Variants in COL22A1 observed in about 807,000 individuals in gnomAD.
The protein encoded by COL22A1 is collagen alpha-1(XXII) chain.
In COL22A1, 221 loss-of-function variants were observed where a neutral mutation model predicts 248.9. The observed-to-expected ratio is 0.89, with a 90% confidence interval of 0.80 to 0.99. COL22A1 has a LOEUF of 0.99. Among genes scored for constraint, COL22A1 ranks in the 50% least tolerant of loss-of-function variants. The pLI is 0.00. For missense variants in COL22A1, 2,240 were observed against 2,179.0 expected, an observed-to-expected ratio of 1.03 and a Z score of -0.56; for synonymous variants, 891 against 793.4, an observed-to-expected ratio of 1.12 and a Z score of -2.07.
chr8:138,884,455 T>C (rs1366673110), intron 1 of COL22A1, among the ~76,000 whole-genome samples: 1 of 152,240 alleles, frequency 6.6e-6, no homozygotes, highest in African/African-American at 2.4e-5. Flanking sequence ...CGAAGTTATC[T>C]CAAAGGCAGT....
At chr8:138,774,050 C>T (rs1191129463) in intron 16 of COL22A1, among the ~76,000 whole-genome samples, 3 of 152,192 alleles carry the variant, frequency 2.0e-5, no homozygotes, top group African/African-American at 2.4e-5. Flanking sequence ...TTTATGTCCT[C>T]ACCATGTGAG....
intron 18 of COL22A1, among the ~76,000 whole-genome samples, chr8:138,759,445 A>G (rs1459934641): frequency 1.3e-5 from 2 of 152,252 alleles, no homozygotes; most frequent in East Asian, 3.9e-4. Flanking sequence ...CTCCAACCCA[A>G]TGTCTGATGC....
At chr8:138,690,453 C>T (rs1299674527) in intron 36 of COL22A1, among the ~76,000 whole-genome samples, 11 of 152,132 alleles carry the variant, frequency 7.2e-5, no homozygotes, top group Non-Finnish European at 1.6e-4. Context: ...ATGGTCATGT[C>T]AATTAATAAA....
intron 41 of COL22A1, 90 bp downstream of exon 41, chr8:138,676,468 A>G: frequency 1.5e-6 from 1 of 649,106 alleles, no homozygotes. Context: ...GAAGAAAGAA[A>G]GAAAGAAAAG....
At chr8:138,593,556 C>T (rs969500034) in intron 63 of COL22A1, among the ~76,000 whole-genome samples, 1 of 152,140 alleles carries the variant, frequency 6.6e-6, no homozygotes, top group Non-Finnish European at 1.5e-5. Flanking sequence ...ATGGCCTCCG[C>T]CCTTTGAAGG....
At chr8:138,900,227 T>C (rs1814441242) in intron 1 of COL22A1, among the ~76,000 whole-genome samples, 2 of 152,216 alleles carry the variant, frequency 1.3e-5, no homozygotes, top group South Asian at 2.1e-4. Flanking sequence ...TGTCACTCTA[T>C]AGAATGGCAG....
At chr8:138,742,064 TTGATGG>T (rs1207192744) in intron 22 of COL22A1, among the ~76,000 whole-genome samples, 6 of 131,546 alleles carry the variant, frequency 4.6e-5, no homozygotes, top group African/African-American at 1.7e-4. Flanking sequence ...GATGGTAGAG[TTGATGG>T]TGATGGTGAT....
chr8:138,740,396 G>A (rs1831459286), intron 22 of COL22A1, among the ~76,000 whole-genome samples: 1 of 152,172 alleles, frequency 6.6e-6, no homozygotes, highest in Non-Finnish European at 1.5e-5. Context: ...GTGGTCGGGG[G>A]ATGAAGCATC....
rs58321546 is a variant in COL22A1 at position 138,792,412 on chromosome 8, T to C, written c.1596+4407A>G. The stretch of plus-strand genomic sequence containing the variant: ...ATCTGCCTCAGGTGAGCCTGCTCTC[T>C]ACTCAGCAACCGATCTGTCTCAGGG... On this transcript the variant is annotated intron_variant, in intron 12 of 64. Coordinates refer to ENST00000303045, the MANE Select transcript of COL22A1 (RefSeq NM_152888.3). 6.2e-3 allele frequency among the ~76,000 whole-genome samples: 940 copies of C among 152,358 alleles called. 7 individuals carry two copies. Among genetic ancestry groups the C allele is most frequent in the African/African-American group, 0.022 (920 of 41,584 alleles).
chr8:138,661,023 TACACACACATATACAG>T (rs775719756), intron 43 of COL22A1, among the ~76,000 whole-genome samples: 2,716 of 35,762 alleles, frequency 0.076, 46 homozygotes, highest in Admixed American at 0.098. Context: ...CACACGCACA[TACACACACATATACAG>T]ACACACACAC....
At chr8:138,906,023 T>A (rs2132183166) in intron 1 of COL22A1, among the ~76,000 whole-genome samples, 1 of 152,210 alleles carries the variant, frequency 6.6e-6, no homozygotes, top group Non-Finnish European at 1.5e-5. Flanking sequence ...TCCACTATAT[T>A]CCTTAGGGGC....
At chr8:138,691,402 T>G (rs1202450645) in intron 35 of COL22A1, among the ~76,000 whole-genome samples, 2 of 150,780 alleles carry the variant, frequency 1.3e-5, no homozygotes, top group African/African-American at 4.9e-5. Flanking sequence ...TGTGGAGGTA[T>G]GTGTATGTGT....
intron 16 of COL22A1, among the ~76,000 whole-genome samples, chr8:138,773,759 G>A (rs898803666): frequency 3.3e-5 from 5 of 152,324 alleles, no homozygotes; most frequent in East Asian, 1.9e-4. Context: ...CTCCAGGCCA[G>A]GGACAGGCTC....
At chr8:138,892,147 T>C (rs756486277) in intron 1 of COL22A1, among the ~76,000 whole-genome samples, 6 of 152,342 alleles carry the variant, frequency 3.9e-5, no homozygotes, top group African/African-American at 1.2e-4. Context: ...GCTGGTCTCA[T>C]AGAATGAGTT....
chr8:138,744,588 C>T (rs1025863670), intron 22 of COL22A1, among the ~76,000 whole-genome samples: 4 of 152,110 alleles, frequency 2.6e-5, no homozygotes, highest in African/African-American at 9.7e-5. Flanking sequence ...ACCCTCACTA[C>T]CTACAGCCTG....
At position 138,619,446 on chromosome 8, in the gene COL22A1, C is replaced by T. The variant is rs62530042; in HGVS notation, c.3825+9G>A. Reference sequence around the variant, plus strand: ...GTTCTACCGTTCCCCACACACACTACACACTTACAGGTGGGCCTCGGGCAC... The same window carrying T: ...GTTCTACCGTTCCCCACACACACTATACACTTACAGGTGGGCCTCGGGCAC... On this transcript the variant is annotated intron_variant, in intron 53 of 64. Coordinates refer to ENST00000303045, the MANE Select transcript of COL22A1 (RefSeq NM_152888.3). 25,954 of 1,613,486 alleles carry T rather than the reference C, an allele frequency of 0.016. 338 individuals are homozygous for T. The highest frequency in any genetic ancestry group is 0.042 in the Middle Eastern group (254 of 6,038).
At chr8:138,791,730 C>T (rs1816063096) in intron 12 of COL22A1, among the ~76,000 whole-genome samples, 1 of 152,174 alleles carries the variant, frequency 6.6e-6, no homozygotes, top group Non-Finnish European at 1.5e-5. Context: ...ACCTGGACTA[C>T]CTGTCTGGCT....
chr8:138,775,885 T>C, intron 16 of COL22A1, 81 bp downstream of exon 16: 1 of 1,304,240 alleles, frequency 7.7e-7, no homozygotes, highest in South Asian at 1.2e-5. Context: ...CACACGAGCA[T>C]ACACAGAGCA....
chr8:138,722,991 C>T (rs1442330544), intron 25 of COL22A1, among the ~76,000 whole-genome samples: 1 of 151,746 alleles, frequency 6.6e-6, no homozygotes, highest in Non-Finnish European at 1.5e-5. Flanking sequence ...ATGCAGCAAA[C>T]CACCATGGCA....
Sources: allele counts gnomAD v4.1 joint callset (sites outside exome capture counted in the v4.1 genomes callset), GRCh38; gene constraint gnomAD v4.1.1; transcripts MANE v1.5; gene names NCBI Gene and HGNC (gene_info 2026-07-23, HGNC 2026-07-21).